UNC79: variants seen among roughly 807,000 people sequenced by gnomAD.
UNC79 encodes the protein protein unc-79 homolog.
In UNC79, 37 loss-of-function variants were observed where a neutral mutation model predicts 283.1. That is an observed-to-expected ratio of 0.13 (90% CI 0.10 to 0.17). The LOEUF is 0.17. Among genes scored for constraint, UNC79 ranks in the 10% least tolerant of loss-of-function variants. UNC79 has a pLI of 1.00. For missense variants in UNC79, 2,272 were observed against 3,211.1 expected, an observed-to-expected ratio of 0.71 and a Z score of 7.07; for synonymous variants, 1,107 against 1,200.2, an observed-to-expected ratio of 0.92 and a Z score of 1.61.
intron 47 of UNC79, among the ~76,000 whole-genome samples, chr14:93,698,123 T>G (rs1224554103): frequency 6.6e-6 from 1 of 152,220 alleles, no homozygotes; most frequent in Non-Finnish European, 1.5e-5. Flanking sequence ...TTTAAATTAT[T>G]GAGACTTGCT....
chr14:93,348,211 TG>T, intron 1 of UNC79: 1 of 757,568 alleles, frequency 1.3e-6, no homozygotes, highest in Admixed American at 1.9e-5. Flanking sequence ...CTAGTTGAGT[TG>T]ATGCAACCAT....
exon 39 of UNC79, chr14:93,659,231 C>G: frequency 6.2e-7 from 1 of 1,611,662 alleles, no homozygotes; most frequent in African/African-American, 1.3e-5. Context: ...TGATTTGCCT[C>G]TTGAAGATCC....
chr14:93,351,325 A>G lies in UNC79; in HGVS notation c.-351+17802A>G, dbSNP rs150625602. Reference sequence around the variant, plus strand: ...TGTGTATTGCTTTTAAAGTCTTTTAATTATCAATCTTTGGTTAAATGAACA... The same window carrying G: ...TGTGTATTGCTTTTAAAGTCTTTTAGTTATCAATCTTTGGTTAAATGAACA... On this transcript the variant is annotated intron_variant, in intron 1 of 49. Transcript: ENST00000256339. 4.2e-4 allele frequency among the ~76,000 whole-genome samples: 64 copies of G among 152,330 alleles called. No homozygotes were observed. The East Asian group carries it at 0.012, about 28-fold the overall frequency.
intron 1 of UNC79, among the ~76,000 whole-genome samples, chr14:93,449,953 T>A (rs1394662729): frequency 1.3e-5 from 2 of 152,202 alleles, no homozygotes; most frequent in African/African-American, 4.8e-5. Flanking sequence ...CTTTTGAAAG[T>A]GTGTACATAA....
At chr14:93,538,879 G>A (rs1046861179) in intron 12 of UNC79, among the ~76,000 whole-genome samples, 2 of 149,538 alleles carry the variant, frequency 1.3e-5, no homozygotes, top group Non-Finnish European at 3.0e-5. Flanking sequence ...ATAGAGGCAA[G>A]ATTTTTTGTT....
intron 7 of UNC79, among the ~76,000 whole-genome samples, chr14:93,507,217 G>T (rs953104346): frequency 6.6e-6 from 1 of 152,080 alleles, no homozygotes; most frequent in Non-Finnish European, 1.5e-5. Context: ...TCTTATACAA[G>T]TTTTTTTGTG....
intron 1 of UNC79, among the ~76,000 whole-genome samples, chr14:93,337,670 T>G (rs1383550362): frequency 6.6e-6 from 1 of 152,168 alleles, no homozygotes; most frequent in East Asian, 1.9e-4. Context: ...ACAAATGGGC[T>G]GAAACATGCC....
chr14:93,685,459 A>C (rs559663168), intron 42 of UNC79, among the ~76,000 whole-genome samples: 1 of 152,348 alleles, frequency 6.6e-6, no homozygotes, highest in South Asian at 2.1e-4. Context: ...AAACTTTGGA[A>C]CGTACGAAAT....
chr14:93,479,037 T>C (rs2057961724), intron 4 of UNC79, among the ~76,000 whole-genome samples: 1 of 152,232 alleles, frequency 6.6e-6, no homozygotes, highest in Admixed American at 6.5e-5. Context: ...TTTTCTTCTT[T>C]TGTTCTTACT....
chr14:93,485,932 AT>A (rs1300687143), intron 4 of UNC79, among the ~76,000 whole-genome samples: 13 of 151,986 alleles, frequency 8.6e-5, no homozygotes, highest in Non-Finnish European at 1.2e-4. Flanking sequence ...AATTGTGTTA[AT>A]TTTTTTTATC....
chr14:93,523,913 C>T, intron 7 of UNC79, 65 bp from the exon 8 acceptor site: 1 of 1,513,952 alleles, frequency 6.6e-7, no homozygotes, highest in Non-Finnish European at 9.1e-7. Flanking sequence ...AGTAAAATAT[C>T]TGTTTTTACT....
chr14:93,337,080 C>T lies in UNC79; in HGVS notation c.-351+3557C>T, dbSNP rs545931244. Among the ~76,000 whole-genome samples the T allele has an allele frequency of 2.9e-3, 449 of 152,240 alleles. 1 individual carries two copies. Among genetic ancestry groups the T allele is most frequent in the African/African-American group, 1.0e-2 (415 of 41,532 alleles). On this transcript the variant is annotated intron_variant, in intron 1 of 49. Coordinates refer to the UNC79 transcript ENST00000256339. ...GGCTGCCAGTTCCCAGTGAAGTCCA[C>T]GACCTGGAGTGAGAACTTCCTTGAT...
chr14:93,453,904 G>T (rs1477700557), intron 1 of UNC79, among the ~76,000 whole-genome samples: 1 of 152,156 alleles, frequency 6.6e-6, no homozygotes, highest in African/African-American at 2.4e-5. Flanking sequence ...TTGACCAATA[G>T]TGCAATAGAA....
intron 7 of UNC79, among the ~76,000 whole-genome samples, chr14:93,521,211 C>T (rs74074628): frequency 0.073 from 11,145 of 152,016 alleles, 428 homozygotes; most frequent in African/African-American, 0.094. Flanking sequence ...TGATTTCCCC[C>T]TACTCTGACT....
chr14:93,471,508 G>A (rs997726842), intron 2 of UNC79, among the ~76,000 whole-genome samples: 4 of 151,750 alleles, frequency 2.6e-5, no homozygotes, highest in Non-Finnish European at 4.4e-5. Flanking sequence ...ACAGAACTGT[G>A]GGAAAGAATT....
intron 16 of UNC79, among the ~76,000 whole-genome samples, chr14:93,574,302 A>G (rs965268891): frequency 6.6e-6 from 1 of 152,190 alleles, no homozygotes. Flanking sequence ...AAGGTTTTCC[A>G]GCCTTGGTCT....
chr14:93,454,366 G>A (rs1453985299), intron 1 of UNC79, among the ~76,000 whole-genome samples: 1 of 152,078 alleles, frequency 6.6e-6, no homozygotes, highest in East Asian at 1.9e-4. Flanking sequence ...CCATTGACAG[G>A]TGTTAGGTCT....
At chr14:93,344,877 A>G (rs371880081) in intron 1 of UNC79, among the ~76,000 whole-genome samples, 19 of 152,156 alleles carry the variant, frequency 1.2e-4, no homozygotes, top group Admixed American at 4.6e-4. Context: ...GGTTAGGGTA[A>G]GATTCCAGAG....
rs1031399306 is a variant in UNC79, at chr14:93,361,117, G to A, written c.-351+27594G>A. On this transcript the variant is annotated intron_variant, in intron 1 of 49. Coordinates refer to the UNC79 transcript ENST00000256339. ...TAATCCCAGCTACTCAGGAGTCTGAGTTAGGAGAATCACGTGAACCTGAGG... is the reference window on the plus strand; with the variant it reads ...TAATCCCAGCTACTCAGGAGTCTGAATTAGGAGAATCACGTGAACCTGAGG... 5.6e-5 allele frequency among the ~76,000 whole-genome samples: 8 copies of A among 143,754 alleles called. No homozygotes were observed. In the East Asian group the frequency reaches 1.8e-3, roughly 33 times the overall value. 94.3% of individuals were successfully genotyped at this position (143,754 alleles called of 152,430 possible).
Sources: allele counts gnomAD v4.1 joint callset (sites outside exome capture counted in the v4.1 genomes callset), GRCh38; gene constraint gnomAD v4.1.1; transcripts MANE v1.5; gene names NCBI Gene and HGNC (gene_info 2026-07-23, HGNC 2026-07-21).